Variants in TRIM66 observed in about 807,000 individuals in gnomAD.
The protein encoded by TRIM66 is tripartite motif-containing protein 66.
A neutral mutation model predicts 148.2 loss-of-function variants in TRIM66; 99 were observed. The ratio of observed to expected loss-of-function variants is 0.67; its 90% CI spans 0.57 to 0.79. TRIM66 has a LOEUF of 0.79. Ranked by LOEUF, TRIM66 falls within the 30% of genes least tolerant of loss-of-function variation. The probability of loss-of-function intolerance (pLI) is 0.00; values close to 1 mark genes in which losing one functional copy is unlikely to be tolerated. For synonymous variants in TRIM66, 616 were observed against 635.9 expected (o/e 0.97, Z 0.47); for missense variants, 1,666 against 1,697.9 (o/e 0.98, Z 0.33).
chr11:8,682,828 G>A (rs746315853), upstream of TRIM66: 1 of 1,611,546 alleles, frequency 6.2e-7, no homozygotes, highest in South Asian at 1.1e-5. Flanking sequence ...TAGGTGTTTC[G>A]TTTCTTGCCT....
chr11:8,663,487 C>T (rs748479643), intron 6 of TRIM66, among the ~76,000 whole-genome samples: 1 of 152,140 alleles, frequency 6.6e-6, no homozygotes, highest in Non-Finnish European at 1.5e-5. Flanking sequence ...TAAGAATATA[C>T]TGTAATAAAA....
intron 12 of TRIM66, chr11:8,644,480 T>G: frequency 2.2e-6 from 1 of 450,246 alleles, no homozygotes; most frequent in Non-Finnish European, 4.5e-6. Context: ...TACCCCAACT[T>G]GTATCCCTTC....
intron 4 of TRIM66, among the ~76,000 whole-genome samples, chr11:8,674,492 G>A (rs910545894): frequency 6.6e-6 from 1 of 152,130 alleles, no homozygotes; most frequent in Non-Finnish European, 1.5e-5. Context: ...CAAACTTCTT[G>A]CTTCAGCCTC....
rs924975556 is a variant in TRIM66 at position 8,624,558 on chromosome 11, A to G, written c.2827-7T>C. The stretch of plus-strand genomic sequence containing the variant: ...TGGAATCCTCACTTTCCATCTTTCA[A>G]AAGTGAAATGTCGACAAGAATCAAA... On this transcript the variant is annotated splice_polypyrimidine_tract_variant and splice_region_variant and intron_variant, in intron 16 of 24. Transcript: ENST00000646038. The G allele has an allele frequency of 2.0e-6, 3 of 1,521,382 alleles. No homozygotes were observed. In the African/African-American group the frequency reaches 4.2e-5, roughly 21 times the overall value. The allele number at this position is 1,521,382 out of a possible 1,614,324, so 94.2% of individuals were successfully genotyped here. A position where few individuals can be genotyped will look rare whatever the true frequency, so the allele number is the denominator to read the frequency against.
intron 15 of TRIM66, among the ~76,000 whole-genome samples, chr11:8,633,078 C>T (rs1490046068): frequency 6.6e-6 from 1 of 152,182 alleles, no homozygotes; most frequent in Non-Finnish European, 1.5e-5. Context: ...AACCCTCAAA[C>T]CCCAAGGCTT....
At chr11:8,642,278 C>G (rs1010118374) in intron 13 of TRIM66, among the ~76,000 whole-genome samples, 2 of 152,158 alleles carry the variant, frequency 1.3e-5, no homozygotes, top group African/African-American at 4.8e-5. Flanking sequence ...AGGTGGCCAT[C>G]AAAGGTCTGC....
intron 4 of TRIM66, among the ~76,000 whole-genome samples, chr11:8,674,492 G>C (rs910545894): frequency 6.6e-6 from 1 of 152,130 alleles, no homozygotes; most frequent in Admixed American, 6.5e-5. Context: ...CAAACTTCTT[G>C]CTTCAGCCTC....
At chr11:8,650,870 A>G (rs1170022363) in intron 7 of TRIM66, among the ~76,000 whole-genome samples, 3 of 152,220 alleles carry the variant, frequency 2.0e-5, no homozygotes, top group East Asian at 3.8e-4. Context: ...GAGAGGAGAA[A>G]GCCCACATAT....
rs1451606019 is a variant in TRIM66 at position 8,621,232 on chromosome 11, T to C, written c.3345A>G (p.Pro1115=). The C allele has an allele frequency of 6.4e-7, 1 of 1,551,568 alleles. No homozygotes were observed. The highest frequency in any genetic ancestry group is 8.7e-7 in the Non-Finnish European group (1 of 1,146,992). Residue 1115 remains proline (P), a synonymous_variant, in exon 20 of 25, where the codon CCA becomes CCG. Transcript: ENST00000646038. The part of the protein sequence containing the change: ...VTVTSLAGQR[P]PEVEGTSPEE... ...CAGGAGATGTGCCCTCCACTTCTGG[T>C]GGCCGCTGCCCAGCCAAAGAAGTGA...
At chr11:8,676,093 A>C (rs888263680) in intron 3 of TRIM66, among the ~76,000 whole-genome samples, 1 of 152,172 alleles carries the variant, frequency 6.6e-6, no homozygotes, top group Non-Finnish European at 1.5e-5. Flanking sequence ...ACAGTTTCTC[A>C]CTTTGATATG....
At chr11:8,623,343 T>C (rs1042999311) in intron 17 of TRIM66, among the ~76,000 whole-genome samples, 6 of 152,282 alleles carry the variant, frequency 3.9e-5, no homozygotes, top group Admixed American at 3.3e-4. Flanking sequence ...ATGCAGTCTA[T>C]GGAGATGGGC....
intron 1 of TRIM66, among the ~76,000 whole-genome samples, chr11:8,681,614 A>G (rs1349397918): frequency 6.6e-6 from 1 of 151,764 alleles, no homozygotes; most frequent in East Asian, 1.9e-4. Context: ...GATCTTGAAC[A>G]CTGGTTGAAG....
chr11:8,674,569 T>C (rs1324346657), intron 4 of TRIM66, among the ~76,000 whole-genome samples: 6 of 152,126 alleles, frequency 3.9e-5, no homozygotes, highest in Admixed American at 1.3e-4. Context: ...TTTATTTTTG[T>C]AGAGACCAGG....
At chr11:8,677,304 G>A (rs896790207) in intron 3 of TRIM66, among the ~76,000 whole-genome samples, 1 of 152,138 alleles carries the variant, frequency 6.6e-6, no homozygotes, top group Non-Finnish European at 1.5e-5. Flanking sequence ...TCTTAGGGAA[G>A]GACTTTTGTT....
rs1029537865 is a variant in TRIM66, at chr11:8,620,498, T to G, written c.3620A>C (p.Tyr1207Ser). 1.9e-6 allele frequency: 3 copies of G among 1,551,638 alleles called. No individual in the cohort carries two copies. Among genetic ancestry groups the G allele is most frequent in the African/African-American group, 2.7e-5 (2 of 73,044 alleles). Residue 1207 changes from tyrosine to serine, a missense_variant, in exon 21 of 25, where the codon TAT becomes TCT. Tyr to Ser is a moderately radical substitution (Grantham distance 144). Transcript: ENST00000646038. ...EMEYDCENAC[Y>S]NQPGMRASPG... Reference sequence around the variant, plus strand: ...AGATGCCCGCATTCCAGGCTGGTTATAGCAGGCATTCTCACAGTCGTACTC... The same window carrying G: ...AGATGCCCGCATTCCAGGCTGGTTAGAGCAGGCATTCTCACAGTCGTACTC...
At chr11:8,658,859 GC>G in intron 6 of TRIM66, 1 of 956,216 alleles carries the variant, frequency 1.0e-6, no homozygotes, top group South Asian at 4.8e-5. Context: ...ACCTGCTCCT[GC>G]CACTTCACCT....
intron 4 of TRIM66, among the ~76,000 whole-genome samples, chr11:8,673,353 G>T (rs1393509445): frequency 2.0e-5 from 3 of 152,158 alleles, no homozygotes; most frequent in Non-Finnish European, 4.4e-5. Context: ...GTATAGTCTG[G>T]ATTATCTACA....
intron 15 of TRIM66, among the ~76,000 whole-genome samples, chr11:8,626,793 T>TC (rs1366141602): frequency 6.6e-6 from 1 of 152,204 alleles, no homozygotes; most frequent in Admixed American, 6.5e-5. Context: ...TGATGACCTG[T>TC]CCTCTGTCCT....
At chr11:8,659,306 T>C (rs558113436) in intron 6 of TRIM66, among the ~76,000 whole-genome samples, 2 of 152,164 alleles carry the variant, frequency 1.3e-5, no homozygotes, top group Admixed American at 1.3e-4. Context: ...ATGATTATCT[T>C]GATGGACTGA....
Sources: gnomAD v4.1 joint callset for allele counts (sites outside exome capture counted in the v4.1 genomes callset) on GRCh38, gnomAD v4.1.1 for gene constraint, MANE v1.5 for transcripts, NCBI Gene and HGNC (gene_info 2026-07-23, HGNC 2026-07-21) for gene names.